The following EP400 variants were observed in gnomAD, a reference collection of about 807,000 sequenced individuals.
EP400 encodes E1A-binding protein p400.
In EP400, 105 loss-of-function variants were observed where a neutral mutation model predicts 354.1. The observed-to-expected ratio is 0.30, with a 90% CI of 0.25 to 0.35. EP400 has a LOEUF of 0.35. Ranked by LOEUF, EP400 falls within the 10% of genes least tolerant of loss-of-function variation. The pLI, the probability that EP400 is intolerant of heterozygous loss-of-function variation, is 1.00. For missense variants in EP400, 3,280 were observed against 4,121.0 expected (o/e 0.80, Z 5.59); for synonymous variants, 1,646 against 1,716.9 (o/e 0.96, Z 1.02).
At chr12:132,041,382 G>A (rs990836265) in intron 32 of EP400, among the ~76,000 whole-genome samples, 17 of 152,248 alleles carry the variant, frequency 1.1e-4, no homozygotes, top group Admixed American at 6.5e-4. Flanking sequence ...GGAGGATGCG[G>A]CGGGCTCCTC....
chr12:132,058,259 T>TA lies in EP400; in HGVS notation c.7884+3056dup, dbSNP rs964794282. On this transcript the variant is annotated intron_variant, in intron 45 of 52. Coordinates refer to ENST00000389561, the MANE Select transcript of EP400 (RefSeq NM_015409.5). ...CAGAGAAACAGTGGTTCCCTGCCTT[T>TA]AAAAAGTTTTTATTGAGTGGCTTCT... is the stretch of plus-strand genomic sequence containing the variant. Among the ~76,000 whole-genome samples, 131 of 152,224 alleles carry TA rather than the reference T, an allele frequency of 8.6e-4. 1 individual carries two copies. Among genetic ancestry groups the TA allele is most frequent in the Non-Finnish European group, 2.6e-4 (18 of 68,016 alleles).
Position 132,064,656 on chromosome 12 carries a change from C to CT in EP400, c.8335-10dup. The CT allele has an allele frequency of 6.2e-7, 1 of 1,608,240 alleles. No homozygotes were observed. On this transcript the variant is annotated splice_polypyrimidine_tract_variant and intron_variant, in intron 47 of 52. Coordinates refer to ENST00000389561, the MANE Select transcript of EP400 (RefSeq NM_015409.5). Reference sequence around the variant, plus strand: ...TTAATGTTGAAGAGAAGATACTTTGCTTGTATTTTAGGAACACCTCATCAA... The same window carrying CT: ...TTAATGTTGAAGAGAAGATACTTTGCTTTGTATTTTAGGAACACCTCATCAA...
At chr12:132,023,702 A>G (rs1444163916) in intron 23 of EP400, 75 bp from the exon 24 acceptor site, 17 of 1,492,922 alleles carry the variant, frequency 1.1e-5, no homozygotes, top group Non-Finnish European at 1.5e-5. Flanking sequence ...ATATACAAGA[A>G]ACGACTGTCA....
rs1437812143 is a variant in EP400, at chr12:132,067,590, C to CT, written c.8874+108dup. 3 of 1,485,832 alleles carry CT rather than the reference C, an allele frequency of 2.0e-6. No individual in the cohort carries two copies. In the African/African-American group the frequency reaches 4.2e-5, roughly 21 times the overall value. The allele number at this position is 1,485,832 out of a possible 1,614,324, so 92.0% of individuals were successfully genotyped here. A position where few individuals can be genotyped will look rare whatever the true frequency, so the allele number is the denominator to read the frequency against. On this transcript the variant is annotated intron_variant, in intron 50 of 52. Transcript: ENST00000389561. This position sits in a 1 kb window ranked among gnomAD's most constrained non-coding sequence, Gnocchi z 5.3. ...ACAAATCCCCATGTGGCGGCTCACGCTTTTCAGAGGGTGGCTTCAAGGGCT... is the reference window on the plus strand; with the variant it reads ...ACAAATCCCCATGTGGCGGCTCACGCTTTTTCAGAGGGTGGCTTCAAGGGCT...
At chr12:132,006,451 T>A in intron 14 of EP400, 149 bp downstream of exon 14, 1 of 1,063,894 alleles carries the variant, frequency 9.4e-7, no homozygotes. Context: ...GTGCCTGTAG[T>A]CCCAGCTACT....
Position 132,017,300 on chromosome 12 carries a change from G to A in EP400, c.3924-235G>A, listed in dbSNP as rs1893975680. Reference sequence around the variant, plus strand: ...TGATTGTGAATGAAGTGGAGTGGCTGTCTTTCCGTCAGCTCTGGTGGGGCG... The same window carrying A: ...TGATTGTGAATGAAGTGGAGTGGCTATCTTTCCGTCAGCTCTGGTGGGGCG... On this transcript the variant is annotated intron_variant, in intron 19 of 52. Transcript: ENST00000389561. This position sits in a 1 kb window ranked among gnomAD's most constrained non-coding sequence, Gnocchi z 5.0. Among the ~76,000 whole-genome samples the A allele has an allele frequency of 6.6e-6, 1 of 152,172 alleles. No homozygotes were observed. The highest frequency in any genetic ancestry group is 2.1e-4 in the South Asian group (1 of 4,834).
chr12:131,986,689 T>G lies in EP400; in HGVS notation c.2105T>G (p.Val702Gly), dbSNP rs370995367. ...GCCACCAATAAGGCACTATCTCCAG[T>G]CACTTCCCGGACCCCAGGGGTGGTG... ...SSATNKALSP[V>G]TSRTPGVVAS... Residue 702 changes from valine to glycine, a missense_variant, in exon 6 of 53, where the codon GTC becomes GGC. Val to Gly is a moderately radical substitution (Grantham distance 109). This residue lies in a region of EP400 where 800 missense variants were observed against 840.0 expected (regional missense o/e 0.95). Coordinates refer to ENST00000389561, the MANE Select transcript of EP400 (RefSeq NM_015409.5). 5 of 1,614,014 alleles carry G rather than the reference T, an allele frequency of 3.1e-6. No homozygotes were observed. In the African/African-American group the frequency reaches 6.7e-5, roughly 22 times the overall value.
intron 2 of EP400, among the ~76,000 whole-genome samples, chr12:131,970,220 G>C (rs1378556034): frequency 6.6e-6 from 1 of 152,216 alleles, no homozygotes; most frequent in African/African-American, 2.4e-5. Context: ...TAGGCCAGGA[G>C]TGCCTATCAA....
At chr12:132,019,540 C>CAA (rs142862647) in intron 21 of EP400, among the ~76,000 whole-genome samples, 11 of 145,536 alleles carry the variant, frequency 7.6e-5, no homozygotes, top group African/African-American at 2.5e-4. Context: ...CCTGTCTCTC[C>CAA]AAAAAAAAAA....
intron 1 of EP400, among the ~76,000 whole-genome samples, chr12:131,957,386 T>C (rs1299392664): frequency 1.3e-5 from 2 of 151,930 alleles, no homozygotes; most frequent in African/African-American, 4.8e-5. Context: ...AGTTACAACT[T>C]TATTATTTTT....
chr12:131,971,693 AT>A (rs372977332), intron 2 of EP400, among the ~76,000 whole-genome samples: 1,613 of 144,554 alleles, frequency 0.011, 36 homozygotes, highest in South Asian at 0.097. Context: ...TATGGGTAAA[AT>A]TTTTTTTTTT....
intron 5 of EP400, among the ~76,000 whole-genome samples, chr12:131,985,029 A>C (rs1181122564): frequency 6.9e-6 from 1 of 145,920 alleles, no homozygotes; most frequent in Non-Finnish European, 1.5e-5. Flanking sequence ...TTTTTTTTTT[A>C]CTTTTTAGTA....
Position 132,073,459 on chromosome 12 carries a change from C to CTT in EP400, c.9022-3044_9022-3043dup, listed in dbSNP as rs58724167. 1.9e-4 allele frequency among the ~76,000 whole-genome samples: 22 copies of CTT among 117,704 alleles called. 1 individual carries two copies. The highest frequency in any genetic ancestry group is 2.3e-4 in the Non-Finnish European group (14 of 61,772). 77.2% of individuals were successfully genotyped at this position (117,704 alleles called of 152,430 possible). The stretch of plus-strand genomic sequence containing the variant: ...GTGCGTTTTAATTCTGTCCCTTTTC[C>CTT]TTTTTTTTTTTTTTGACACAGTCTT... On this transcript the variant is annotated intron_variant, in intron 51 of 52. Transcript: ENST00000389561.
intron 51 of EP400, chr12:132,076,272 T>C (rs1232654551): frequency 8.5e-6 from 5 of 589,340 alleles, no homozygotes; most frequent in Admixed American, 2.5e-5. Context: ...GTCTGAAATA[T>C]GAGACCAAAA....
chr12:132,061,973 CA>C, intron 45 of EP400, 136 bp from the exon 46 acceptor site: 1 of 701,754 alleles, frequency 1.4e-6, no homozygotes. Context: ...CAGCAGTTTT[CA>C]AAAGACTGAA....
At chr12:132,039,347 C>T (rs145435390) in intron 32 of EP400, among the ~76,000 whole-genome samples, 10 of 152,276 alleles carry the variant, frequency 6.6e-5, no homozygotes, top group African/African-American at 1.2e-4. Context: ...GGGCCTCAGA[C>T]GGCTTCCATG....
Position 132,037,990 on chromosome 12 carries a change from T to C in EP400, c.6101T>C (p.Met2034Thr). The change falls in exon 32 of 53, where the codon ATG becomes ACG. Residue 2034 changes from methionine to threonine, a missense_variant. Physicochemically the swap from Met to Thr is moderately conservative, Grantham distance 81 (BLOSUM62 -1). This residue lies in a region of EP400 where 60 missense variants were observed against 109.9 expected (regional missense o/e 0.55). Transcript: ENST00000389561. ...GAGCTGTTTGAAGTTTATTCTCCCA[T>C]GGATGATGCTGGCTTCCCGGTCAAA... The part of the protein sequence containing the change: ...IQELFEVYSP[M>T]DDAGFPVKAE... 6.2e-7 allele frequency: 1 copy of C among 1,614,244 alleles called. No homozygotes were observed.
intron 34 of EP400, 54 bp from the exon 35 acceptor site, chr12:132,044,123 G>A (rs1406059096): frequency 6.3e-7 from 1 of 1,599,138 alleles, no homozygotes. Context: ...GGACTCGGGG[G>A]CTGCTCTGAG....
intron 10 of EP400, 92 bp from the exon 11 acceptor site, chr12:131,992,081 T>C: frequency 7.1e-7 from 1 of 1,411,702 alleles, no homozygotes; most frequent in Non-Finnish European, 9.9e-7. Context: ...GCCCCGGGGC[T>C]CCCCCAACCT....
Sources: gnomAD v4.1 joint callset for allele counts (sites outside exome capture counted in the v4.1 genomes callset) on GRCh38, gnomAD v4.1.1 for gene constraint, gnomAD v4.1.1 regional missense constraint, Gnocchi (gnomAD v3.1) non-coding constraint, MANE v1.5 for transcripts, NCBI Gene and HGNC (gene_info 2026-07-23, HGNC 2026-07-21) for gene names.